Variants in EGLN1 observed in about 807,000 individuals in gnomAD.
EGLN1 encodes the protein egl nine homolog 1.
Under a neutral mutation model 38.3 loss-of-function variants are expected in EGLN1, and 17 were observed. The ratio of observed to expected loss-of-function variants is 0.44; its 90% CI spans 0.30 to 0.67. The LOEUF is 0.67. Ranked by LOEUF, EGLN1 falls within the 30% of genes least tolerant of loss-of-function variation. The probability of loss-of-function intolerance (pLI) is 0.08; values close to 1 mark genes in which losing one functional copy is unlikely to be tolerated. For synonymous variants in EGLN1, 283 were observed against 257.5 expected, an observed-to-expected ratio of 1.10 and a Z score of -0.95; for missense variants, 477 against 603.3, an observed-to-expected ratio of 0.79 and a Z score of 2.19.
intron 1 of EGLN1, among the ~76,000 whole-genome samples, chr1:231,395,443 C>A (rs1688498631): frequency 6.6e-6 from 1 of 152,158 alleles, no homozygotes; most frequent in Non-Finnish European, 1.5e-5. Flanking sequence ...ATTTTAAGTT[C>A]TAAAAACTGG....
chr1:231,378,919 C>T (rs140321517), intron 1 of EGLN1, among the ~76,000 whole-genome samples: 46 of 152,268 alleles, frequency 3.0e-4, no homozygotes, highest in South Asian at 6.2e-4. Context: ...TTTGACATAG[C>T]ACTATGCCTT....
chr1:231,382,522 A>C (rs2102905870), intron 1 of EGLN1, among the ~76,000 whole-genome samples: 1 of 152,348 alleles, frequency 6.6e-6, no homozygotes, highest in Non-Finnish European at 1.5e-5. Context: ...GTATTAGAGA[A>C]GAATGGTACT....
At chr1:231,393,553 A>T (rs1572035510) in intron 1 of EGLN1, among the ~76,000 whole-genome samples, 2 of 152,190 alleles carry the variant, frequency 1.3e-5, no homozygotes, top group South Asian at 4.1e-4. Flanking sequence ...GACAATATAA[A>T]CTGCTCAGTC....
chr1:231,412,240 C>A (rs1222465704), intron 1 of EGLN1, among the ~76,000 whole-genome samples: 2 of 152,156 alleles, frequency 1.3e-5, no homozygotes, highest in East Asian at 3.9e-4. Flanking sequence ...CTTTAGGAAG[C>A]TATCATATAG....
intron 1 of EGLN1, among the ~76,000 whole-genome samples, chr1:231,391,829 AAAC>A (rs1688397504): frequency 6.6e-6 from 1 of 152,194 alleles, no homozygotes; most frequent in Non-Finnish European, 1.5e-5. Context: ...TACAAAGACT[AAAC>A]AAAGATTAAC....
At chr1:231,370,837 G>A (rs1380598448) in intron 2 of EGLN1, 139 bp from the exon 3 acceptor site, 18 of 994,076 alleles carry the variant, frequency 1.8e-5, no homozygotes, top group Non-Finnish European at 2.8e-5. Context: ...AAGATGAGCT[G>A]CAATTTTAAA....
intron 1 of EGLN1, among the ~76,000 whole-genome samples, chr1:231,380,787 T>A (rs1177362334): frequency 6.6e-6 from 1 of 152,224 alleles, no homozygotes; most frequent in African/African-American, 2.4e-5. Flanking sequence ...GTAACATTTA[T>A]CTTACTAATG....
intron 1 of EGLN1, among the ~76,000 whole-genome samples, chr1:231,398,289 T>A (rs933027497): frequency 6.6e-6 from 1 of 152,106 alleles, no homozygotes; most frequent in African/African-American, 2.4e-5. Context: ...AAGGGAAGGG[T>A]CAGCAAACTA....
At chr1:231,416,780 A>C (rs1689094491) in intron 1 of EGLN1, among the ~76,000 whole-genome samples, 1 of 152,182 alleles carries the variant, frequency 6.6e-6, no homozygotes, top group Non-Finnish European at 1.5e-5. Flanking sequence ...GTTGATCACA[A>C]TCTATTAAGA....
chr1:231,410,964 T>C (rs528046733), intron 1 of EGLN1, among the ~76,000 whole-genome samples: 3 of 152,072 alleles, frequency 2.0e-5, no homozygotes, highest in Admixed American at 2.0e-4. Context: ...AGGTAAAATA[T>C]GCCTTGAGAT....
At chr1:231,401,618 G>A (rs975064376) in intron 1 of EGLN1, among the ~76,000 whole-genome samples, 1 of 152,160 alleles carries the variant, frequency 6.6e-6, no homozygotes, top group African/African-American at 2.4e-5. Flanking sequence ...AACTCAGCAT[G>A]ATGTTTCTGA....
chr1:231,385,894 T>C (rs182311844), intron 1 of EGLN1, among the ~76,000 whole-genome samples: 1 of 152,324 alleles, frequency 6.6e-6, no homozygotes, highest in East Asian at 1.9e-4. Context: ...TCTTGCTCTG[T>C]TGCTGGAGTG....
chr1:231,416,280 T>A lies in EGLN1; in HGVS notation c.891+4718A>T, dbSNP rs928428194. ...CCCAGAGTGTTGGGAATTACAGGGG[T>A]GAGTTACCACATCTGGCCCGGAATC... On this transcript the variant is annotated intron_variant, in intron 1 of 4. Coordinates refer to ENST00000366641, the MANE Select transcript of EGLN1 (RefSeq NM_022051.3). Among the ~76,000 whole-genome samples, 3 of 152,002 alleles carry A rather than the reference T, an allele frequency of 2.0e-5. No individual in the cohort carries two copies. In the South Asian group the frequency reaches 6.2e-4, roughly 32 times the overall value.
In EGLN1 at chr1:231,387,595, A is replaced by G. The variant is rs368384124; in HGVS notation, c.892-13496T>C. Among the ~76,000 whole-genome samples the G allele has an allele frequency of 2.6e-3, 396 of 151,976 alleles. 3 individuals carry two copies. Among genetic ancestry groups the G allele is most frequent in the African/African-American group, 9.0e-3 (374 of 41,442 alleles). ...AGGATGGTCTCGATCTCCTGACCTCATGATCTGCCCGCCTCGGCCTCCCAA... is the reference window on the plus strand; with the variant it reads ...AGGATGGTCTCGATCTCCTGACCTCGTGATCTGCCCGCCTCGGCCTCCCAA... On this transcript the variant is annotated intron_variant, in intron 1 of 4. Transcript: ENST00000366641.
At chr1:231,420,950 G>T in intron 1 of EGLN1, 48 bp downstream of exon 1, 2 of 1,613,264 alleles carry the variant, frequency 1.2e-6, no homozygotes, top group Non-Finnish European at 1.7e-6. Flanking sequence ...GGCAGGGGCT[G>T]CCCGCCGAGA....
chr1:231,370,414 C>T (rs1490990575), intron 3 of EGLN1, 148 bp downstream of exon 3: 4 of 863,646 alleles, frequency 4.6e-6, no homozygotes, highest in Non-Finnish European at 7.4e-6. Flanking sequence ...GACTGTGCAA[C>T]ATAAATCTTA....
At chr1:231,393,605 T>A (rs145246272) in intron 1 of EGLN1, among the ~76,000 whole-genome samples, 55 of 152,350 alleles carry the variant, frequency 3.6e-4, no homozygotes, top group African/African-American at 1.3e-3. Flanking sequence ...TATTATTATA[T>A]CACTGAATCC....
chr1:231,413,450 C>A (rs1446693850), intron 1 of EGLN1, among the ~76,000 whole-genome samples: 2 of 152,264 alleles, frequency 1.3e-5, no homozygotes, highest in East Asian at 3.9e-4. Context: ...ATCCACATAA[C>A]TAATTTCCCA....
intron 1 of EGLN1, among the ~76,000 whole-genome samples, chr1:231,412,138 T>A (rs1475285645): frequency 6.9e-6 from 1 of 144,620 alleles, no homozygotes; most frequent in African/African-American, 2.5e-5. Context: ...AGGCTCCACA[T>A]CAAAGGGATG....
Sources: gnomAD v4.1 joint callset for allele counts (sites outside exome capture counted in the v4.1 genomes callset) on GRCh38, gnomAD v4.1.1 for gene constraint, MANE v1.5 for transcripts, NCBI Gene and HGNC (gene_info 2026-07-23, HGNC 2026-07-21) for gene names.